The following LRRC4C variants were observed in gnomAD, a reference collection of about 807,000 sequenced individuals.
LRRC4C encodes the protein leucine-rich repeat-containing protein 4C.
A neutral mutation model predicts 33.6 loss-of-function variants in LRRC4C; 5 were observed. The ratio of observed to expected loss-of-function variants is 0.15; its 90% CI spans 0.08 to 0.31. The LOEUF (loss-of-function observed/expected upper bound fraction) is 0.31. Ranked by LOEUF, LRRC4C falls within the 10% of genes least tolerant of loss-of-function variation. The pLI is 1.00. For synonymous variants in LRRC4C, 329 were observed against 302.0 expected, an observed-to-expected ratio of 1.09 and a Z score of -0.93; for missense variants, 560 against 796.7, an observed-to-expected ratio of 0.70 and a Z score of 3.58.
At chr11:40,989,852 C>T (rs556149505) in intron 1 of LRRC4C, among the ~76,000 whole-genome samples, 197 of 151,798 alleles carry the variant, frequency 1.3e-3, no homozygotes, top group African/African-American at 4.5e-3. Flanking sequence ...AAACCAACTG[C>T]AGTTTAAAAA....
intron 2 of LRRC4C, among the ~76,000 whole-genome samples, chr11:40,901,956 T>C (rs1434074659): frequency 6.6e-6 from 1 of 151,332 alleles, no homozygotes; most frequent in Non-Finnish European, 1.5e-5. Context: ...TGCCTTTTAA[T>C]AGGTTGATAT....
At chr11:40,746,254 G>A (rs376360340) in intron 2 of LRRC4C, among the ~76,000 whole-genome samples, 1 of 152,050 alleles carries the variant, frequency 6.6e-6, no homozygotes, top group African/African-American at 2.4e-5. Context: ...CTGTGCAACG[G>A]CACCGCTTCA....
chr11:41,025,221 A>G (rs538857652), intron 1 of LRRC4C, among the ~76,000 whole-genome samples: 1 of 151,798 alleles, frequency 6.6e-6, no homozygotes, highest in South Asian at 2.1e-4. Context: ...TAAAAACTAG[A>G]AGTGATTAAA....
At chr11:40,848,126 G>A (rs1427739334) in intron 2 of LRRC4C, among the ~76,000 whole-genome samples, 2 of 151,200 alleles carry the variant, frequency 1.3e-5, no homozygotes, top group African/African-American at 2.4e-5. Flanking sequence ...TTTTTGATGG[G>A]TTTTTCATGT....
chr11:41,123,813 GAGA>G (rs1446606410), intron 1 of LRRC4C, among the ~76,000 whole-genome samples: 1 of 152,158 alleles, frequency 6.6e-6, no homozygotes, highest in East Asian at 1.9e-4. Context: ...AATCAATGCA[GAGA>G]AGAATAAGAC....
At chr11:40,921,216 T>C (rs1957161697) in intron 2 of LRRC4C, among the ~76,000 whole-genome samples, 1 of 152,074 alleles carries the variant, frequency 6.6e-6, no homozygotes, top group Admixed American at 6.6e-5. Context: ...AGCCACCAAG[T>C]CTGGCTTGAA....
chr11:40,462,862 A>G (rs1319233510), intron 3 of LRRC4C, among the ~76,000 whole-genome samples: 1 of 152,034 alleles, frequency 6.6e-6, no homozygotes, highest in Non-Finnish European at 1.5e-5. Context: ...GTTTTATCCT[A>G]AAGAACCTAA....
At position 40,500,407 on chromosome 11, in the gene LRRC4C, T is replaced by C. The variant is rs563636623; in HGVS notation, c.-270+147735A>G. 4.0e-5 allele frequency among the ~76,000 whole-genome samples: 6 copies of C among 151,418 alleles called. No homozygotes were observed. In the South Asian group the frequency reaches 1.3e-3, roughly 32 times the overall value. On this transcript the variant is annotated intron_variant, in intron 3 of 6. Coordinates refer to ENST00000528697, the MANE Select transcript of LRRC4C (RefSeq NM_001258419.2). The stretch of plus-strand genomic sequence containing the variant: ...GAACATTTATAATTATTTAAATATA[T>C]GCATGTGTATTAGTCCATTTTCATG...
In LRRC4C at chr11:40,553,160, T is replaced by A. The variant is rs530322599; in HGVS notation, c.-270+94982A>T. Reference sequence around the variant, plus strand: ...AGTGACAGGCACCTGTAAACCCAGCTACTCAGGAGGCTGAGGCAGGAGAAT... The same window carrying A: ...AGTGACAGGCACCTGTAAACCCAGCAACTCAGGAGGCTGAGGCAGGAGAAT... On this transcript the variant is annotated intron_variant, in intron 3 of 6. Coordinates refer to ENST00000528697, the MANE Select transcript of LRRC4C (RefSeq NM_001258419.2). 1.2e-4 allele frequency among the ~76,000 whole-genome samples: 19 copies of A among 152,082 alleles called. 3 individuals carry two copies. The highest frequency in any genetic ancestry group is 4.6e-4 in the African/African-American group (19 of 41,472).
intron 1 of LRRC4C, among the ~76,000 whole-genome samples, chr11:41,305,505 G>C (rs1477057931): frequency 4.2e-5 from 2 of 47,932 alleles, no homozygotes; most frequent in East Asian, 6.8e-4. Context: ...GATGGTTGCC[G>C]TGTCTGTGTA....
chr11:40,755,316 A>C (rs181262339), intron 2 of LRRC4C, among the ~76,000 whole-genome samples: 1 of 152,214 alleles, frequency 6.6e-6, no homozygotes, highest in South Asian at 2.1e-4. Context: ...GGAAGAGAGT[A>C]CTAGAGAGAC....
chr11:40,899,474 A>G (rs999802534), intron 2 of LRRC4C, among the ~76,000 whole-genome samples: 16 of 152,166 alleles, frequency 1.1e-4, no homozygotes, highest in Admixed American at 5.9e-4. Flanking sequence ...AGAAACTTTC[A>G]TGTCTTGTTG....
chr11:41,130,122 T>C (rs1178659588), intron 1 of LRRC4C, among the ~76,000 whole-genome samples: 1 of 152,000 alleles, frequency 6.6e-6, no homozygotes, highest in Admixed American at 6.6e-5. Context: ...GCCTCCTTAC[T>C]GCTCATTCCT....
chr11:40,547,830 A>G (rs1956984647), intron 3 of LRRC4C, among the ~76,000 whole-genome samples: 1 of 152,132 alleles, frequency 6.6e-6, no homozygotes, highest in South Asian at 2.1e-4. Flanking sequence ...TCATCTTTAC[A>G]CATTTCACAA....
At chr11:40,423,879 TATTTC>T (rs1950618416) in intron 3 of LRRC4C, among the ~76,000 whole-genome samples, 1 of 152,224 alleles carries the variant, frequency 6.6e-6, no homozygotes, top group Admixed American at 6.5e-5. Context: ...GTGTATTGTA[TATTTC>T]ATTAATAATT....
intron 2 of LRRC4C, among the ~76,000 whole-genome samples, chr11:40,904,596 A>G (rs891911281): frequency 1.3e-5 from 2 of 152,086 alleles, no homozygotes; most frequent in African/African-American, 4.8e-5. Context: ...GGGAGTGGCA[A>G]GTTGGTGAGA....
At chr11:40,684,348 T>C (rs986680294) in intron 2 of LRRC4C, among the ~76,000 whole-genome samples, 20 of 151,770 alleles carry the variant, frequency 1.3e-4, no homozygotes, top group Middle Eastern at 3.3e-3. Context: ...AAAAACTAAA[T>C]GTACGCATTA....
intron 3 of LRRC4C, among the ~76,000 whole-genome samples, chr11:40,414,418 G>T (rs979163787): frequency 6.6e-6 from 1 of 152,058 alleles, no homozygotes. Context: ...ATCAGTTCAG[G>T]GAGGGAATCC....
intron 3 of LRRC4C, among the ~76,000 whole-genome samples, chr11:40,461,926 G>C (rs1291225244): frequency 6.6e-6 from 1 of 151,718 alleles, no homozygotes; most frequent in Admixed American, 6.6e-5. Flanking sequence ...GGAAGGAAGA[G>C]AAGAAAGGAC....
Sources: allele counts gnomAD v4.1 joint callset (sites outside exome capture counted in the v4.1 genomes callset), GRCh38; gene constraint gnomAD v4.1.1; transcripts MANE v1.5; gene names NCBI Gene and HGNC (gene_info 2026-07-23, HGNC 2026-07-21).